The following PTPRT variants were observed in gnomAD, a reference collection of about 807,000 sequenced individuals.
PTPRT encodes the protein protein tyrosine phosphatase receptor type T.
A neutral mutation model predicts 176.8 loss-of-function variants in PTPRT; 56 were observed. That is an observed-to-expected ratio of 0.32 (90% CI 0.26 to 0.40). The LOEUF is 0.40. Among genes scored for constraint, PTPRT ranks in the 10% least tolerant of loss-of-function variants. The probability of loss-of-function intolerance (pLI) is 1.00; values close to 1 mark genes in which losing one functional copy is unlikely to be tolerated. For missense variants in PTPRT, 1,540 were observed against 1,908.2 expected (o/e 0.81, Z 3.60); for synonymous variants, 783 against 739.0 (o/e 1.06, Z -0.96).
intron 3 of PTPRT, among the ~76,000 whole-genome samples, chr20:42,788,339 C>T (rs2077322620): frequency 2.0e-5 from 3 of 152,014 alleles, no homozygotes; most frequent in Admixed American, 2.0e-4. Flanking sequence ...GAATAGGGAG[C>T]GAGTGGCTGA....
At chr20:43,079,014 C>G (rs144211915) in intron 1 of PTPRT, among the ~76,000 whole-genome samples, 57 of 152,248 alleles carry the variant, frequency 3.7e-4, no homozygotes, top group African/African-American at 1.3e-3. Flanking sequence ...TGTTCTAGAC[C>G]CATTTTTCAC....
In PTPRT at chr20:42,286,542, G is replaced by A. The variant is rs563861501; in HGVS notation, c.2140-4017C>T. 2.9e-4 allele frequency among the ~76,000 whole-genome samples: 44 copies of A among 151,914 alleles called. No homozygotes were observed. The South Asian group carries it at 3.9e-3, about 14-fold the overall frequency. On this transcript the variant is annotated intron_variant, in intron 12 of 30. Coordinates refer to ENST00000373187, the MANE Select transcript of PTPRT (RefSeq NM_007050.6). ...ATGGATCATCCATATTCAGAAGAAC[G>A]AAACTAGACCGCCACCTCTCACCCT...
chr20:42,420,435 G>C (rs1393790760), intron 9 of PTPRT, among the ~76,000 whole-genome samples: 2 of 152,140 alleles, frequency 1.3e-5, no homozygotes, highest in East Asian at 3.9e-4. Context: ...CAAACAAAAT[G>C]CATGCTTGTT....
intron 7 of PTPRT, among the ~76,000 whole-genome samples, chr20:42,524,462 T>A (rs2072233524): frequency 6.6e-6 from 1 of 152,230 alleles, no homozygotes; most frequent in South Asian, 2.1e-4. Context: ...GATTTTTCGC[T>A]GTTTTCTGGC....
chr20:42,281,728 A>G (rs1318605256), intron 13 of PTPRT, among the ~76,000 whole-genome samples: 2 of 152,190 alleles, frequency 1.3e-5, no homozygotes, highest in Admixed American at 1.3e-4. Flanking sequence ...TTCAGGGAAC[A>G]GAGTAGAATT....
intron 7 of PTPRT, among the ~76,000 whole-genome samples, chr20:42,642,986 TC>T (rs1184971389): frequency 6.6e-6 from 1 of 152,092 alleles, no homozygotes; most frequent in Non-Finnish European, 1.5e-5. Flanking sequence ...GATCCCTACT[TC>T]TTCCACGAGA....
At chr20:42,710,318 C>T (rs573310287) in intron 6 of PTPRT, among the ~76,000 whole-genome samples, 3 of 152,288 alleles carry the variant, frequency 2.0e-5, no homozygotes, top group East Asian at 1.9e-4. Flanking sequence ...CAGCCCCTCC[C>T]ATCACAGGCC....
intron 1 of PTPRT, among the ~76,000 whole-genome samples, chr20:42,957,528 C>A (rs1444056398): frequency 6.6e-6 from 1 of 152,088 alleles, no homozygotes; most frequent in Non-Finnish European, 1.5e-5. Context: ...TAAGGGAAAT[C>A]TTCTGATTCT....
chr20:43,022,635 A>G (rs1050309415), intron 1 of PTPRT, among the ~76,000 whole-genome samples: 1 of 152,230 alleles, frequency 6.6e-6, no homozygotes, highest in African/African-American at 2.4e-5. Context: ...AGTCTCTCCC[A>G]GAACAGGCAG....
intron 4 of PTPRT, among the ~76,000 whole-genome samples, chr20:42,777,001 G>C (rs1018603186): frequency 1.6e-4 from 24 of 152,086 alleles, no homozygotes; most frequent in African/African-American, 5.8e-4. Context: ...AATGGTGCCT[G>C]ACATGGAGCT....
Position 42,545,579 on chromosome 20 carries a change from C to T in PTPRT, c.1154-73017G>A, listed in dbSNP as rs2072660493. 1.3e-5 allele frequency among the ~76,000 whole-genome samples: 2 copies of T among 152,216 alleles called. 1 individual carries two copies. The highest frequency in any genetic ancestry group is 4.1e-4 in the South Asian group (2 of 4,838). On this transcript the variant is annotated intron_variant, in intron 7 of 30. Coordinates refer to ENST00000373187, the MANE Select transcript of PTPRT (RefSeq NM_007050.6). ...TACTCCCCTACCCAGAAAGAGTCTT[C>T]TCTTCCTACTCAAACTGAAACACAA...
intron 6 of PTPRT, among the ~76,000 whole-genome samples, chr20:42,680,357 A>G (rs893148670): frequency 6.6e-6 from 1 of 152,250 alleles, no homozygotes; most frequent in Non-Finnish European, 1.5e-5. Context: ...TTACAAAGCC[A>G]TGGAGGTTAT....
intron 13 of PTPRT, among the ~76,000 whole-genome samples, chr20:42,265,019 A>G (rs1441711246): frequency 6.6e-6 from 1 of 152,228 alleles, no homozygotes; most frequent in Non-Finnish European, 1.5e-5. Context: ...AAGATGGGTT[A>G]AGATCATTAT....
At chr20:42,860,378 AT>A (rs1349820412) in intron 2 of PTPRT, among the ~76,000 whole-genome samples, 1 of 152,176 alleles carries the variant, frequency 6.6e-6, no homozygotes, top group Non-Finnish European at 1.5e-5. Context: ...TCTTTTCAAC[AT>A]TTGCTTGATG....
At chr20:42,086,753 A>ATATATATATATATATATATATATAT (rs60067837) in intron 27 of PTPRT, among the ~76,000 whole-genome samples, 1 of 95,520 alleles carries the variant, frequency 1.0e-5, no homozygotes, top group Non-Finnish European at 2.0e-5. Flanking sequence ...AAAAAAAAAA[A>ATATATATATATATATATATATATAT]ATATATATAT....
rs6016853 is a variant in PTPRT at position 42,626,844 on chromosome 20, G to A, written c.1153+51022C>T. Among the ~76,000 whole-genome samples the A allele has an allele frequency of 1.1e-3, 167 of 152,338 alleles. 1 individual carries two copies. The highest frequency in any genetic ancestry group is 3.8e-3 in the African/African-American group (158 of 41,592). ...TACTTCTTGGGTCCCCAATCTAGCA[G>A]TGAGAGTGAAGGAAATTCTCAGGTT... On this transcript the variant is annotated intron_variant, in intron 7 of 30. Coordinates refer to ENST00000373187, the MANE Select transcript of PTPRT (RefSeq NM_007050.6).
In PTPRT at chr20:42,350,814, A is replaced by G. The variant is rs2058272638; in HGVS notation, c.1763-84T>C. 3 of 1,010,976 alleles carry G rather than the reference A, an allele frequency of 3.0e-6. No individual in the cohort carries two copies. The East Asian group carries it at 7.2e-5, about 24-fold the overall frequency. 62.6% of individuals were successfully genotyped at this position (1,010,976 alleles called of 1,614,324 possible). On this transcript the variant is annotated intron_variant, in intron 10 of 30. Coordinates refer to ENST00000373187, the MANE Select transcript of PTPRT (RefSeq NM_007050.6). Reference sequence around the variant, plus strand: ...CCGCCCCTTGCTGCCATCCTTAAAGACACAGCATGGATAGAGGGAGGACGT... The same window carrying G: ...CCGCCCCTTGCTGCCATCCTTAAAGGCACAGCATGGATAGAGGGAGGACGT...
At chr20:42,166,780 G>T (rs1989843787) in intron 16 of PTPRT, among the ~76,000 whole-genome samples, 1 of 152,134 alleles carries the variant, frequency 6.6e-6, no homozygotes, top group South Asian at 2.1e-4. Flanking sequence ...AATTAGCCAG[G>T]TGTGGTGCTG....
At chr20:42,576,572 C>A (rs2073265434) in intron 7 of PTPRT, among the ~76,000 whole-genome samples, 2 of 152,154 alleles carry the variant, frequency 1.3e-5, no homozygotes, top group Admixed American at 1.3e-4. Flanking sequence ...TTTGCCTGCC[C>A]TGGTTGGGAT....
Sources: gnomAD v4.1 joint callset for allele counts (sites outside exome capture counted in the v4.1 genomes callset) on GRCh38, gnomAD v4.1.1 for gene constraint, MANE v1.5 for transcripts, NCBI Gene and HGNC (gene_info 2026-07-23, HGNC 2026-07-21) for gene names.